The following EYS variants were observed in gnomAD, a reference collection of about 807,000 sequenced individuals.
EYS encodes the protein EGF-like photoreceptor maintenance factor.
EYS carries 250 observed loss-of-function variants against 282.1 expected under a neutral mutation model. That is an observed-to-expected ratio of 0.89 (90% CI 0.80 to 0.98). The LOEUF (loss-of-function observed/expected upper bound fraction) is 0.98, where lower values mean the gene tolerates loss of function less well. EYS is among the 50% of genes least tolerant of loss of function. The pLI, the probability that EYS is intolerant of heterozygous loss-of-function variation, is 0.00. For missense variants in EYS, 4,016 were observed against 3,709.0 expected (o/e 1.08, Z -2.15); for synonymous variants, 1,355 against 1,282.9 (o/e 1.06, Z -1.20).
intron 35 of EYS, among the ~76,000 whole-genome samples, chr6:63,918,563 G>T (rs973001790): frequency 1.3e-5 from 2 of 152,114 alleles, no homozygotes; most frequent in Non-Finnish European, 2.9e-5. Flanking sequence ...CTGCCTGTGA[G>T]TCCAGAAAGC....
chr6:64,572,682 G>T (rs894919769), intron 26 of EYS, among the ~76,000 whole-genome samples: 1 of 152,082 alleles, frequency 6.6e-6, no homozygotes, highest in East Asian at 1.9e-4. Flanking sequence ...TTGCTACAAA[G>T]ATAATAAAAT....
At chr6:65,514,767 T>C (rs1194823060) in intron 2 of EYS, among the ~76,000 whole-genome samples, 1 of 152,190 alleles carries the variant, frequency 6.6e-6, no homozygotes, top group Non-Finnish European at 1.5e-5. Context: ...ATCCCTTCCT[T>C]ACACCTTATA....
At chr6:64,341,407 G>T (rs1244369817) in intron 29 of EYS, among the ~76,000 whole-genome samples, 1 of 151,768 alleles carries the variant, frequency 6.6e-6, no homozygotes, top group African/African-American at 2.4e-5. Flanking sequence ...CATGGATATG[G>T]CTGGAGGCCA....
At chr6:64,205,938 A>G (rs1250476144) in intron 31 of EYS, among the ~76,000 whole-genome samples, 3 of 152,104 alleles carry the variant, frequency 2.0e-5, no homozygotes, top group Non-Finnish European at 2.9e-5. Context: ...TACTCAAAGT[A>G]TACTCTATTT....
At chr6:65,434,381 T>C (rs887316473) in intron 5 of EYS, among the ~76,000 whole-genome samples, 50 of 150,430 alleles carry the variant, frequency 3.3e-4, no homozygotes, top group Non-Finnish European at 5.9e-4. Context: ...AGTGCAGTGG[T>C]GCAATCTCGG....
chr6:65,301,395 C>T (rs1358873700), intron 11 of EYS, among the ~76,000 whole-genome samples: 1 of 152,220 alleles, frequency 6.6e-6, no homozygotes, highest in Non-Finnish European at 1.5e-5. Context: ...CCAGAACCCT[C>T]GCGCCCTGCG....
intron 12 of EYS, among the ~76,000 whole-genome samples, chr6:65,139,607 A>G (rs1581946261): frequency 6.6e-6 from 1 of 151,938 alleles, no homozygotes; most frequent in African/African-American, 2.4e-5. Context: ...ACAAATACAG[A>G]CCCGCTCCCA....
chr6:65,479,267 A>G (rs1227253383), intron 5 of EYS, among the ~76,000 whole-genome samples: 2 of 152,354 alleles, frequency 1.3e-5, no homozygotes, highest in South Asian at 2.1e-4. Flanking sequence ...TCCTTGGCAT[A>G]TATTTGGCAA....
chr6:64,320,378 C>T (rs1274904195), intron 29 of EYS, among the ~76,000 whole-genome samples: 2 of 151,644 alleles, frequency 1.3e-5, no homozygotes, highest in Admixed American at 6.6e-5. Context: ...CTCATTTTTT[C>T]CCCACCATTT....
rs900271990 is a variant in EYS, at chr6:64,822,788, T to C, written c.3027A>G (p.Leu1009=). ...CTCCATCATGGAGACAGGGCTCTGA[T>C]AGGCATTCATCTAGATTTATTTCAC... ...INCEINLDEC[L]SEPCLHDGVC... is the part of the protein sequence containing the mutation. The change falls in exon 20 of 43, where the codon CTA becomes CTG. Residue 1009 remains leucine, a synonymous_variant. Coordinates refer to ENST00000503581, the MANE Select transcript of EYS (RefSeq NM_001142800.2). 16 of 1,549,870 alleles carry C rather than the reference T, an allele frequency of 1.0e-5. No homozygotes were observed. Among genetic ancestry groups the C allele is most frequent in the Admixed American group, 2.0e-5 (1 of 50,862 alleles).
At chr6:65,108,786 C>G (rs531438325) in intron 12 of EYS, among the ~76,000 whole-genome samples, 1 of 151,948 alleles carries the variant, frequency 6.6e-6, no homozygotes, top group Admixed American at 6.6e-5. Context: ...TTTTTTCTGC[C>G]CTATGCTTTC....
At chr6:64,738,496 T>G (rs2149958671) in intron 22 of EYS, among the ~76,000 whole-genome samples, 1 of 152,154 alleles carries the variant, frequency 6.6e-6, no homozygotes, top group East Asian at 1.9e-4. Flanking sequence ...TAACTCAGTC[T>G]CAGGTAGCTC....
chr6:64,360,471 C>G (rs543409174), intron 29 of EYS, among the ~76,000 whole-genome samples: 1 of 151,740 alleles, frequency 6.6e-6, no homozygotes, highest in Non-Finnish European at 1.5e-5. Flanking sequence ...TTGGGCTAGA[C>G]CTTCTTGGTA....
intron 29 of EYS, among the ~76,000 whole-genome samples, chr6:64,381,084 T>C (rs1461850687): frequency 6.6e-6 from 1 of 151,662 alleles, no homozygotes; most frequent in Non-Finnish European, 1.5e-5. Flanking sequence ...TGTATATGCA[T>C]ACAAATATAT....
Position 65,296,050 on chromosome 6 carries a change from G to C in EYS, c.1836C>G (p.His612Gln). The C allele has an allele frequency of 6.4e-7, 1 of 1,550,860 alleles. No homozygotes were observed. The highest frequency in any genetic ancestry group is 8.7e-7 in the Non-Finnish European group (1 of 1,146,396). The change falls in exon 12 of 43, where the codon CAC becomes CAG. Residue 612 changes from histidine (H) to glutamine (Q), a missense_variant. Physicochemically the swap from His to Gln is conservative, Grantham distance 24. Transcript: ENST00000503581. ...VVNVDYCLGN[H>Q]SISVHGLCLA... The stretch of plus-strand genomic sequence containing the variant: ...GGCAGAGGCCATGCACTGATATACT[G>C]TGGTTCCCTAAGCAATAGTCAACAT...
intron 12 of EYS, among the ~76,000 whole-genome samples, chr6:65,260,918 A>G (rs1161136808): frequency 2.0e-5 from 3 of 152,092 alleles, no homozygotes; most frequent in Non-Finnish European, 4.4e-5. Flanking sequence ...CTTTGACTCT[A>G]TTAATCCATT....
intron 14 of EYS, among the ~76,000 whole-genome samples, chr6:64,996,150 T>C (rs902202660): frequency 1.3e-5 from 2 of 152,070 alleles, no homozygotes; most frequent in Non-Finnish European, 2.9e-5. Context: ...GGATCAAATA[T>C]ATTAGGTCCA....
At chr6:64,915,254 T>C (rs930665093) in intron 15 of EYS, among the ~76,000 whole-genome samples, 4 of 152,170 alleles carry the variant, frequency 2.6e-5, no homozygotes, top group Non-Finnish European at 5.9e-5. Context: ...CCATACACTT[T>C]AGGAACTCAT....
chr6:64,476,194 C>G (rs749888920), intron 26 of EYS, among the ~76,000 whole-genome samples: 3 of 152,176 alleles, frequency 2.0e-5, no homozygotes, highest in Non-Finnish European at 2.9e-5. Flanking sequence ...TTCCTCCTCA[C>G]TGCCATCTGT....
Sources: gnomAD v4.1 joint callset for allele counts (sites outside exome capture counted in the v4.1 genomes callset) on GRCh38, gnomAD v4.1.1 for gene constraint, MANE v1.5 for transcripts, NCBI Gene and HGNC (gene_info 2026-07-23, HGNC 2026-07-21) for gene names.